The following NCKAP5 variants were observed in gnomAD, a reference collection of about 807,000 sequenced individuals.
NCKAP5 encodes the protein NCK associated protein 5.
Under a neutral mutation model 167.0 loss-of-function variants are expected in NCKAP5, and 92 were observed. That is an observed-to-expected ratio of 0.55 (90% CI 0.47 to 0.66). The LOEUF is 0.66. NCKAP5 is among the 30% of genes least tolerant of loss of function. NCKAP5 has a pLI of 0.00. For synonymous variants in NCKAP5, 891 were observed against 877.4 expected (o/e 1.02, Z -0.27); for missense variants, 2,378 against 2,315.0 (o/e 1.03, Z -0.56).
At chr2:133,048,849 A>G (rs2079500531) in intron 6 of NCKAP5, among the ~76,000 whole-genome samples, 1 of 152,180 alleles carries the variant, frequency 6.6e-6, no homozygotes, top group South Asian at 2.1e-4. Context: ...TTTGGTCCCA[A>G]CACTCACAGT....
intron 6 of NCKAP5, among the ~76,000 whole-genome samples, chr2:133,064,818 C>A (rs368632435): frequency 3.0e-4 from 46 of 152,200 alleles, no homozygotes; most frequent in African/African-American, 1.1e-3. Context: ...TGAGCATAGC[C>A]CCTTAGTAAC....
intron 3 of NCKAP5, among the ~76,000 whole-genome samples, chr2:133,492,143 T>TTGTGTGTGTG (rs780998843): frequency 1.0e-3 from 87 of 84,522 alleles, no homozygotes; most frequent in Non-Finnish European, 1.0e-3. Context: ...CATATCTAGT[T>TTGTGTGTGTG]AGTGTGTGTG....
intron 6 of NCKAP5, among the ~76,000 whole-genome samples, chr2:132,997,025 A>G (rs1487715902): frequency 1.3e-5 from 2 of 152,240 alleles, no homozygotes; most frequent in East Asian, 1.9e-4. Flanking sequence ...TGTGAAGAAA[A>G]GCAGGCTGAT....
intron 9 of NCKAP5, among the ~76,000 whole-genome samples, chr2:132,872,210 G>T (rs1690880440): frequency 6.6e-6 from 1 of 152,196 alleles, no homozygotes; most frequent in Non-Finnish European, 1.5e-5. Context: ...GTCCATGGAG[G>T]CCTCTCCCCT....
intron 17 of NCKAP5, among the ~76,000 whole-genome samples, chr2:132,729,708 T>C (rs1441486622): frequency 2.0e-5 from 3 of 152,086 alleles, no homozygotes; most frequent in Non-Finnish European, 4.4e-5. Flanking sequence ...CCCATGAAAG[T>C]AGATTAACCT....
intron 3 of NCKAP5, among the ~76,000 whole-genome samples, chr2:133,420,168 A>G (rs2151088989): frequency 6.6e-6 from 1 of 152,400 alleles, no homozygotes; most frequent in Admixed American, 6.5e-5. Context: ...AAATGTGTAC[A>G]TGAATTTTAT....
At chr2:133,363,631 C>T (rs1685266619) in intron 3 of NCKAP5, among the ~76,000 whole-genome samples, 1 of 152,000 alleles carries the variant, frequency 6.6e-6, no homozygotes, top group African/African-American at 2.4e-5. Flanking sequence ...GTGTGTTGTA[C>T]AGAGATAAGG....
At chr2:133,047,387 C>A (rs539696098) in intron 6 of NCKAP5, among the ~76,000 whole-genome samples, 37 of 152,336 alleles carry the variant, frequency 2.4e-4, no homozygotes, top group African/African-American at 7.2e-4. Flanking sequence ...GTTGCCAAGA[C>A]TGGCAATCAT....
At chr2:132,791,149 G>A (rs1684035424) in intron 12 of NCKAP5, among the ~76,000 whole-genome samples, 1 of 152,152 alleles carries the variant, frequency 6.6e-6, no homozygotes, top group African/African-American at 2.4e-5. Flanking sequence ...TGAGATTTCT[G>A]CTACACTTTC....
intron 16 of NCKAP5, among the ~76,000 whole-genome samples, chr2:132,753,723 T>G (rs1385710145): frequency 1.3e-5 from 2 of 152,188 alleles, no homozygotes; most frequent in Non-Finnish European, 2.9e-5. Flanking sequence ...CTTCAGCAGG[T>G]GTGCCCTCAT....
chr2:133,462,272 G>A (rs62177696), intron 3 of NCKAP5, among the ~76,000 whole-genome samples: 18,914 of 151,968 alleles, frequency 0.12, 1,291 homozygotes, highest in East Asian at 0.25. Context: ...TTTACCTGCC[G>A]GTCACATCAC....
At chr2:133,633,026 A>G in the NCKAP5 span, among the ~76,000 whole-genome samples, 2 of 152,180 alleles carry the variant, frequency 1.3e-5, no homozygotes, top group Non-Finnish European at 2.9e-5. Flanking sequence ...CACTCCTCAG[A>G]AGGAAATGAC....
intron 3 of NCKAP5, among the ~76,000 whole-genome samples, chr2:133,487,671 G>T (rs905104133): frequency 5.3e-5 from 8 of 152,092 alleles, no homozygotes; most frequent in South Asian, 2.1e-4. Context: ...GCATTCAGTG[G>T]TCTGAAGATG....
At chr2:133,396,612 C>T (rs1459908607) in intron 3 of NCKAP5, among the ~76,000 whole-genome samples, 1 of 147,808 alleles carries the variant, frequency 6.8e-6, no homozygotes, top group African/African-American at 2.7e-5. Flanking sequence ...TGGTGTTCTC[C>T]CTGTGTGTCC....
chr2:133,293,842 G>A (rs1236802550), intron 4 of NCKAP5, among the ~76,000 whole-genome samples: 1 of 152,106 alleles, frequency 6.6e-6, no homozygotes, highest in African/African-American at 2.4e-5. Flanking sequence ...TGGGTAATTG[G>A]GGAGTGACAT....
chr2:133,321,425 G>A (rs1419417301), intron 3 of NCKAP5, among the ~76,000 whole-genome samples: 2 of 152,178 alleles, frequency 1.3e-5, no homozygotes, highest in Non-Finnish European at 2.9e-5. Context: ...GAACATTCAT[G>A]TTGTCTTTAC....
chr2:133,292,943 A>C (rs1048263197), intron 4 of NCKAP5, among the ~76,000 whole-genome samples: 1 of 152,204 alleles, frequency 6.6e-6, no homozygotes, highest in East Asian at 1.9e-4. Flanking sequence ...GTTAGAGCTT[A>C]AAGTCTTAAA....
intron 6 of NCKAP5, among the ~76,000 whole-genome samples, chr2:133,039,429 C>A (rs184679476): frequency 1.1e-3 from 160 of 152,290 alleles, no homozygotes; most frequent in Admixed American, 2.0e-3. Flanking sequence ...AAACAACCAT[C>A]AGCACATCCA....
intron 6 of NCKAP5, among the ~76,000 whole-genome samples, chr2:133,036,737 C>T (rs913118796): frequency 2.0e-5 from 3 of 151,930 alleles, no homozygotes; most frequent in African/African-American, 7.2e-5. Flanking sequence ...AAACTAAAAG[C>T]CTTTCCTTTA....
Sources: gnomAD v4.1 joint callset for allele counts (sites outside exome capture counted in the v4.1 genomes callset) on GRCh38, gnomAD v4.1.1 for gene constraint, MANE v1.5 for transcripts, NCBI Gene and HGNC (gene_info 2026-07-23, HGNC 2026-07-21) for gene names.